GLI2: variants seen among roughly 807,000 people sequenced by gnomAD.
GLI2 encodes transcription activator GLI2.
In GLI2, 22 loss-of-function variants were observed where a neutral mutation model predicts 78.9. The observed-to-expected ratio is 0.28, with a 90% CI of 0.20 to 0.40. The LOEUF (loss-of-function observed/expected upper bound fraction) is 0.40. Ranked by LOEUF, GLI2 falls within the 10% of genes least tolerant of loss-of-function variation. The probability of loss-of-function intolerance (pLI) is 1.00; values close to 1 mark genes in which losing one functional copy is unlikely to be tolerated. For missense variants in GLI2, 2,097 were observed against 2,213.2 expected, an observed-to-expected ratio of 0.95 and a Z score of 1.05; for synonymous variants, 974 against 963.7, an observed-to-expected ratio of 1.01 and a Z score of -0.20.
At chr2:120,918,519 C>T (rs1047658852) in intron 2 of GLI2, among the ~76,000 whole-genome samples, 1 of 150,992 alleles carries the variant, frequency 6.6e-6, no homozygotes, top group Non-Finnish European at 1.5e-5. Context: ...CAGCTCACTG[C>T]AACCTCCAGC....
At chr2:120,919,077 A>G (rs1217457893) in intron 2 of GLI2, among the ~76,000 whole-genome samples, 1 of 152,184 alleles carries the variant, frequency 6.6e-6, no homozygotes, top group Admixed American at 6.5e-5. Context: ...TGCCAAAGAT[A>G]TTGGTGTATT....
rs1281825147 is a variant in GLI2 at position 120,955,377 on chromosome 2, G to GC, written c.591dup (p.Gly198ArgfsTer153). The GC allele has an allele frequency of 6.2e-7, 1 of 1,612,796 alleles. No individual in the cohort carries two copies. Among genetic ancestry groups the GC allele is most frequent in the Non-Finnish European group, 8.5e-7 (1 of 1,179,318 alleles). On this transcript the variant is annotated frameshift_variant, in exon 5 of 14. Coordinates refer to ENST00000361492, the MANE Select transcript of GLI2 (RefSeq NM_001374353.1). LOFTEE classifies it high-confidence loss of function. Reference sequence around the variant, plus strand: ...CCCTACGGGGACCTGCTGATGCAGAGCGGGGGCGCTGCCAGCGCACCCCAT... The same window carrying GC: ...CCCTACGGGGACCTGCTGATGCAGAGCCGGGGGCGCTGCCAGCGCACCCCAT...
chr2:120,814,533 C>G (rs1030686724), intron 2 of GLI2, among the ~76,000 whole-genome samples: 2 of 152,274 alleles, frequency 1.3e-5, no homozygotes, highest in Non-Finnish European at 2.9e-5. Context: ...TCCCATCCTC[C>G]GGCTACAGAC....
At chr2:120,790,931 C>T (rs756221476) in intron 1 of GLI2, among the ~76,000 whole-genome samples, 2 of 151,838 alleles carry the variant, frequency 1.3e-5, no homozygotes, top group Non-Finnish European at 2.9e-5. Context: ...GAGAAGCTGC[C>T]CATGTGGGGC....
intron 13 of GLI2, among the ~76,000 whole-genome samples, chr2:120,987,753 C>T (rs560892696): frequency 1.3e-5 from 2 of 152,266 alleles, no homozygotes; most frequent in East Asian, 1.9e-4. Context: ...CTCAGTCCTA[C>T]GGAGAGGCAC....
At chr2:120,909,593 T>C (rs1437815665) in intron 2 of GLI2, among the ~76,000 whole-genome samples, 2 of 151,954 alleles carry the variant, frequency 1.3e-5, no homozygotes, top group Admixed American at 6.6e-5. Flanking sequence ...AGGCCGGGCG[T>C]GGTGGCTCAC....
In GLI2 at chr2:120,955,420, C is replaced by T. The variant is rs1361568205; in HGVS notation, c.633C>T (p.Asn211=). ...ASAPHLHDYL[N]PVDVSRFSSP... ...CACCCCATCTCCACGACTACCTCAA[C>T]CCCGTGGACGGTGAGTGCTGGCCCC... The change falls in exon 5 of 14, where the codon AAC becomes AAT. Residue 211 remains asparagine (N), a synonymous_variant. Coordinates refer to ENST00000361492, the MANE Select transcript of GLI2 (RefSeq NM_001374353.1). The T allele has an allele frequency of 6.2e-7, 1 of 1,601,012 alleles. No individual in the cohort carries two copies. Among genetic ancestry groups the T allele is most frequent in the Non-Finnish European group, 8.5e-7 (1 of 1,170,984 alleles).
chr2:120,932,643 A>G (rs1160622329), intron 3 of GLI2, among the ~76,000 whole-genome samples: 1 of 147,836 alleles, frequency 6.8e-6, no homozygotes, highest in African/African-American at 2.7e-5. Flanking sequence ...TGCTGAGACA[A>G]CCCACATAAC....
chr2:120,883,122 G>T (rs941005757), intron 2 of GLI2, among the ~76,000 whole-genome samples: 72 of 152,290 alleles, frequency 4.7e-4, no homozygotes, highest in Non-Finnish European at 7.9e-4. Flanking sequence ...GAAGTAATAG[G>T]TTCCTTCCGT....
intron 12 of GLI2, among the ~76,000 whole-genome samples, chr2:120,985,698 T>A (rs1273892909): frequency 1.3e-5 from 2 of 152,168 alleles, no homozygotes; most frequent in Non-Finnish European, 2.9e-5. Context: ...TCCGAGTGGA[T>A]GTTGTCCGAG....
intron 2 of GLI2, among the ~76,000 whole-genome samples, chr2:120,920,437 G>A (rs916550443): frequency 6.6e-6 from 1 of 152,210 alleles, no homozygotes; most frequent in Non-Finnish European, 1.5e-5. Context: ...GGAATCCACA[G>A]GATCATTTCT....
chr2:120,829,928 A>AGG (rs760756776), intron 2 of GLI2, among the ~76,000 whole-genome samples: 96 of 151,982 alleles, frequency 6.3e-4, no homozygotes, highest in Non-Finnish European at 1.3e-3. Context: ...TTCAGAGGGG[A>AGG]GGGGGCGCAT....
chr2:120,749,037 G>T (rs559074717), intron 1 of GLI2, among the ~76,000 whole-genome samples: 1 of 152,162 alleles, frequency 6.6e-6, no homozygotes, highest in East Asian at 1.9e-4. Flanking sequence ...GGTCTTTGGT[G>T]TACCCTTCCT....
intron 8 of GLI2, chr2:120,972,608 G>C (rs929769291): frequency 7.7e-6 from 4 of 517,980 alleles, no homozygotes; most frequent in Non-Finnish European, 1.5e-5. Flanking sequence ...TGCACTCTAA[G>C]CTTTGGAGAG....
rs532472230 is a variant in GLI2, at chr2:120,735,959, G to A, written c.-357G>A. Among the ~76,000 whole-genome samples the A allele has an allele frequency of 3.3e-3, 499 of 152,006 alleles. 14 individuals carry two copies. Among genetic ancestry groups the A allele is most frequent in the Admixed American group, 0.029 (437 of 15,282 alleles). On this transcript the variant is annotated 5_prime_UTR_variant, in exon 1 of 14. Coordinates refer to ENST00000361492, the MANE Select transcript of GLI2 (RefSeq NM_001374353.1). ...AAACTCCCATCAATGAGACTTCGAG[G>A]AGGAGCGGGCGGCGGCGGCGGCTGC...
chr2:120,780,632 A>G (rs1344267992), intron 1 of GLI2, among the ~76,000 whole-genome samples: 1 of 152,180 alleles, frequency 6.6e-6, no homozygotes, highest in Non-Finnish European at 1.5e-5. Context: ...GTCCTATTCA[A>G]TAGATGGTAT....
chr2:120,982,930 G>A lies in GLI2; in HGVS notation c.1632+50G>A, dbSNP rs369337841. 15 of 1,566,864 alleles carry A rather than the reference G, an allele frequency of 9.6e-6. No homozygotes were observed. In the African/African-American group the frequency reaches 1.8e-4, roughly 18 times the overall value. ...GCATGCACACTGGGGCCCCACTGAC[G>A]CCCCATGGCTTCCAGGCATCTGTAG... On this transcript the variant is annotated intron_variant, in intron 11 of 13. Coordinates refer to ENST00000361492, the MANE Select transcript of GLI2 (RefSeq NM_001374353.1).
intron 2 of GLI2, among the ~76,000 whole-genome samples, chr2:120,924,193 T>C (rs1446542490): frequency 1.3e-5 from 2 of 152,094 alleles, no homozygotes; most frequent in African/African-American, 4.8e-5. Flanking sequence ...CTTCCTGGGG[T>C]CGCTGGGAAG....
intron 5 of GLI2, among the ~76,000 whole-genome samples, chr2:120,963,035 A>G (rs1461391030): frequency 1.3e-5 from 2 of 152,182 alleles, no homozygotes; most frequent in Admixed American, 1.3e-4. Context: ...GAGTGGACTC[A>G]GTAAATAAAA....
Sources: gnomAD v4.1 joint callset for allele counts (sites outside exome capture counted in the v4.1 genomes callset) on GRCh38, gnomAD v4.1.1 for gene constraint, MANE v1.5 for transcripts, NCBI Gene and HGNC (gene_info 2026-07-23, HGNC 2026-07-21) for gene names.